Variants in ACACB observed in about 807,000 individuals in gnomAD.
The protein encoded by ACACB is acetyl-CoA carboxylase beta, also known as acetyl-CoA carboxylase 2.
A neutral mutation model predicts 278.8 loss-of-function variants in ACACB; 209 were observed. The ratio of observed to expected loss-of-function variants is 0.75; its 90% CI spans 0.67 to 0.84. ACACB has a LOEUF of 0.84. Ranked by LOEUF, ACACB falls within the 40% of genes least tolerant of loss-of-function variation. The pLI is 0.00. For missense variants in ACACB, 2,850 were observed against 3,269.0 expected, an observed-to-expected ratio of 0.87 and a Z score of 3.13; for synonymous variants, 1,174 against 1,285.6, an observed-to-expected ratio of 0.91 and a Z score of 1.86.
intron 4 of ACACB, among the ~76,000 whole-genome samples, chr12:109,170,911 A>G (rs1476355021): frequency 1.3e-5 from 2 of 151,624 alleles, no homozygotes; most frequent in Non-Finnish European, 2.9e-5. Flanking sequence ...ATCACGACTC[A>G]TTGTAGCCTC....
At chr12:109,203,916 T>G (rs931621496) in intron 19 of ACACB, among the ~76,000 whole-genome samples, 2 of 152,126 alleles carry the variant, frequency 1.3e-5, no homozygotes, top group African/African-American at 2.4e-5. Context: ...TACACCCTCC[T>G]AAGCAAGACT....
In ACACB at chr12:109,156,268, G is replaced by A. The variant is rs542956672; in HGVS notation, c.654-10593G>A. On this transcript the variant is annotated intron_variant, in intron 2 of 52. Coordinates refer to ENST00000338432, the MANE Select transcript of ACACB (RefSeq NM_001093.4). ...AATGTGCCCAGGTGTGGTGGCTCATGCCTGTAATCCTAGCGCTTTGGGAGG... is the reference window on the plus strand; with the variant it reads ...AATGTGCCCAGGTGTGGTGGCTCATACCTGTAATCCTAGCGCTTTGGGAGG... Among the ~76,000 whole-genome samples, 12 of 151,766 alleles carry A rather than the reference G, an allele frequency of 7.9e-5. 2 individuals carry two copies. In the South Asian group the frequency reaches 2.5e-3, roughly 32 times the overall value.
chr12:109,190,591 A>G (rs1042263419), intron 13 of ACACB, among the ~76,000 whole-genome samples: 17 of 150,966 alleles, frequency 1.1e-4, no homozygotes, highest in Admixed American at 6.0e-4. Context: ...GAATAGGTCA[A>G]GGGAGAGACA....
intron 2 of ACACB, among the ~76,000 whole-genome samples, chr12:109,147,527 G>A (rs1179135896): frequency 2.0e-5 from 3 of 151,338 alleles, no homozygotes; most frequent in Non-Finnish European, 4.4e-5. Flanking sequence ...TTACAGGTGT[G>A]AACCTCCACA....
rs762864678 is a variant in ACACB at position 109,191,801 on chromosome 12, C to T, written c.2295+38C>T. ...CTGCCTGTGTCTCCCCTCTGGATGG[C>T]CGAGACCTCGGCTTCCTGAGGATAC... On this transcript the variant is annotated intron_variant, in intron 14 of 52. Coordinates refer to ENST00000338432, the MANE Select transcript of ACACB (RefSeq NM_001093.4). 33 of 1,614,012 alleles carry T rather than the reference C, an allele frequency of 2.0e-5. No homozygotes were observed. In the Admixed American group the frequency reaches 4.3e-4, roughly 21 times the overall value.
intron 19 of ACACB, among the ~76,000 whole-genome samples, chr12:109,202,557 C>T (rs942283237): frequency 1.3e-5 from 2 of 152,050 alleles, no homozygotes; most frequent in African/African-American, 2.4e-5. Flanking sequence ...TCAGGTGATC[C>T]ACCCTCCTCA....
chr12:109,147,262 ACT>A (rs1432331758), intron 2 of ACACB, among the ~76,000 whole-genome samples: 1 of 150,064 alleles, frequency 6.7e-6, no homozygotes, highest in African/African-American at 2.5e-5. Flanking sequence ...ACACAGTTTC[ACT>A]CTGTCACCCA....
At chr12:109,227,075 C>T (rs56033312) in intron 27 of ACACB, among the ~76,000 whole-genome samples, 6 of 151,974 alleles carry the variant, frequency 3.9e-5, no homozygotes, top group Non-Finnish European at 8.8e-5. Flanking sequence ...CTCAGCCTCC[C>T]GAGTAGCTGG....
intron 1 of ACACB, among the ~76,000 whole-genome samples, chr12:109,118,709 C>G (rs1316813633): frequency 8.5e-5 from 13 of 152,102 alleles, no homozygotes; most frequent in Non-Finnish European, 1.5e-4. Context: ...CCACTGCACC[C>G]GGCCTGGAAT....
intron 49 of ACACB, among the ~76,000 whole-genome samples, chr12:109,262,748 G>A (rs534044020): frequency 1.3e-5 from 2 of 151,728 alleles, no homozygotes; most frequent in African/African-American, 4.8e-5. Context: ...AGCCTGAGTA[G>A]CTGGGACTAC....
In ACACB at chr12:109,202,708, G is replaced by A. The variant is rs58282688; in HGVS notation, c.2913+1007G>A. On this transcript the variant is annotated intron_variant, in intron 19 of 52. Coordinates refer to ENST00000338432, the MANE Select transcript of ACACB (RefSeq NM_001093.4). ...TTGTCATATTTAATGAACCAATATC[G>A]ATATATTAGGTATTATTGTTTAAGA... Among the ~76,000 whole-genome samples the A allele has an allele frequency of 7.4e-3, 1,119 of 152,098 alleles. 25 individuals are homozygous for A. The highest frequency in any genetic ancestry group is 0.025 in the African/African-American group (1,047 of 41,486).
At chr12:109,247,531 C>T in intron 39 of ACACB, 75 bp from the exon 40 acceptor site, 1 of 1,044,502 alleles carries the variant, frequency 9.6e-7, no homozygotes, top group African/African-American at 1.6e-5. Context: ...CTACGATGTT[C>T]ACATTAAGAA....
At chr12:109,231,179 A>G (rs1433863107) in intron 28 of ACACB, among the ~76,000 whole-genome samples, 1 of 151,750 alleles carries the variant, frequency 6.6e-6, no homozygotes. Context: ...TGCAGCCTGG[A>G]CCTGGACCTC....
chr12:109,199,288 T>C (rs1402936900), intron 17 of ACACB, 114 bp from the exon 18 acceptor site: 2 of 909,848 alleles, frequency 2.2e-6, no homozygotes, highest in African/African-American at 3.5e-5. Context: ...CCTTTGGGAA[T>C]GTAGAGGGTA....
chr12:109,160,600 G>T (rs76543961), intron 2 of ACACB, among the ~76,000 whole-genome samples: 6 of 152,198 alleles, frequency 3.9e-5, no homozygotes, highest in African/African-American at 1.2e-4. Context: ...CACCCTTGCC[G>T]TGCTGTATAA....
chr12:109,163,438 T>C (rs2043800496), intron 2 of ACACB, among the ~76,000 whole-genome samples: 1 of 151,980 alleles, frequency 6.6e-6, no homozygotes, highest in Non-Finnish European at 1.5e-5. Flanking sequence ...ATCAAAAACA[T>C]GATAGCAGAA....
chr12:109,264,470 G>GT, intron 50 of ACACB, 84 bp downstream of exon 50: 4 of 1,467,206 alleles, frequency 2.7e-6, no homozygotes, highest in Non-Finnish European at 3.8e-6. Flanking sequence ...CGGGGGCGGG[G>GT]AGGGCGGTGG....
intron 21 of ACACB, among the ~76,000 whole-genome samples, chr12:109,211,744 C>T (rs1174680912): frequency 6.6e-6 from 1 of 152,250 alleles, no homozygotes; most frequent in Non-Finnish European, 1.5e-5. Context: ...TTTATGAATA[C>T]ACTACCAACC....
chr12:109,181,276 G>A (rs1192677416), intron 11 of ACACB, among the ~76,000 whole-genome samples: 1 of 143,164 alleles, frequency 7.0e-6, no homozygotes, highest in Non-Finnish European at 1.5e-5. Flanking sequence ...TGCCCAGGCT[G>A]GAGTGTAGTG....
Sources: allele counts gnomAD v4.1 joint callset (sites outside exome capture counted in the v4.1 genomes callset), GRCh38; gene constraint gnomAD v4.1.1; transcripts MANE v1.5; gene names NCBI Gene and HGNC (gene_info 2026-07-23, HGNC 2026-07-21).